Variants in HSDL1 observed in about 807,000 individuals in gnomAD.
HSDL1 encodes inactive hydroxysteroid dehydrogenase-like protein 1.
In HSDL1, 29 loss-of-function variants were observed where a neutral mutation model predicts 31.5. The observed-to-expected ratio is 0.92, with a 90% CI of 0.69 to 1.26. The LOEUF is 1.26. HSDL1 is among the 50% of genes most tolerant of loss of function. HSDL1 has a pLI of 0.00. For synonymous variants in HSDL1, 222 were observed against 155.2 expected (o/e 1.43, Z -3.20); for missense variants, 503 against 416.6 (o/e 1.21, Z -1.81).
rs1319385478 is a variant in HSDL1, at chr16:84,123,768, T to C, written c.*862A>G. The C allele has an allele frequency of 5.9e-5, 9 of 152,442 alleles. No individual in the cohort carries two copies. Among genetic ancestry groups the C allele is most frequent in the African/African-American group, 1.9e-4 (8 of 41,440 alleles). The allele number at this position is 152,442 out of a possible 1,614,324, so 9.4% of individuals were successfully genotyped here. A position where few individuals can be genotyped will look rare whatever the true frequency, so the allele number is the denominator to read the frequency against. On this transcript the variant is annotated 3_prime_UTR_variant, in exon 6 of 6. Transcript: ENST00000219439. ...ATAAAATGGGTCAGAGGCTGAGAAATCACTATTTATCCACAAGAATTGCCT... is the reference window on the plus strand; with the variant it reads ...ATAAAATGGGTCAGAGGCTGAGAAACCACTATTTATCCACAAGAATTGCCT...
intron 5 of HSDL1, among the ~76,000 whole-genome samples, chr16:84,125,492 C>T (rs1049566812): frequency 6.6e-6 from 1 of 151,748 alleles, no homozygotes; most frequent in Non-Finnish European, 1.5e-5. Flanking sequence ...ACCAATCGAT[C>T]CCAACAAATA....
At chr16:84,133,332 T>A (rs908647238) in intron 2 of HSDL1, among the ~76,000 whole-genome samples, 7 of 152,234 alleles carry the variant, frequency 4.6e-5, no homozygotes, top group African/African-American at 1.7e-4. Context: ...CTAAATGCCC[T>A]ACGATAAGGA....
Position 84,130,445 on chromosome 16 carries a change from C to G in HSDL1, c.221-14G>C, listed in dbSNP as rs777456981. 1.9e-6 allele frequency: 3 copies of G among 1,591,146 alleles called. No individual in the cohort carries two copies. Among genetic ancestry groups the G allele is most frequent in the Admixed American group, 1.7e-5 (1 of 58,068 alleles). On this transcript the variant is annotated splice_polypyrimidine_tract_variant and intron_variant, in intron 3 of 5. Coordinates refer to ENST00000219439, the MANE Select transcript of HSDL1 (RefSeq NM_031463.5). ...CATCTGTTGCACCTAGGATGCAAGT[C>G]AGGAAAAGTGAGCATGTGTATTTCA...
rs1457366081 is a variant in HSDL1, at chr16:84,122,985, T to G, written c.*1645A>C. 1 of 152,228 alleles carries G rather than the reference T, an allele frequency of 6.6e-6. No homozygotes were observed. Among genetic ancestry groups the G allele is most frequent in the African/African-American group, 2.4e-5 (1 of 41,450 alleles). The allele number at this position is 152,228 out of a possible 1,614,324, so 9.4% of individuals were successfully genotyped here. ...TACATATAACTACCTGACCATATTTTCACATGAAGTTGCTGCTGCTTATTA... is the reference window on the plus strand; with the variant it reads ...TACATATAACTACCTGACCATATTTGCACATGAAGTTGCTGCTGCTTATTA... On this transcript the variant is annotated 3_prime_UTR_variant, in exon 6 of 6. Transcript: ENST00000219439.
chr16:84,136,084 G>T (rs1181559201), intron 1 of HSDL1, among the ~76,000 whole-genome samples: 1 of 152,198 alleles, frequency 6.6e-6, no homozygotes, highest in African/African-American at 2.4e-5. Context: ...CACCTGCAGC[G>T]TTCCCTGGAA....
At position 84,122,308 on chromosome 16, in the gene HSDL1, A is replaced by G. The variant is rs1266531422; in HGVS notation, c.*2322T>C. On this transcript the variant is annotated 3_prime_UTR_variant, in exon 6 of 6. Coordinates refer to ENST00000219439, the MANE Select transcript of HSDL1 (RefSeq NM_031463.5). ...CCAAAGGAAACAAACAACTACTTTT[A>G]TTGTTAAACTTTCAATTCACAGATT... 6.6e-6 allele frequency: 1 copy of G among 152,542 alleles called. No homozygotes were observed. The highest frequency in any genetic ancestry group is 1.5e-5 in the Non-Finnish European group (1 of 68,020). 9.4% of individuals were successfully genotyped at this position (152,542 alleles called of 1,614,324 possible).
At chr16:84,132,008 T>G (rs1216158287) in intron 2 of HSDL1, among the ~76,000 whole-genome samples, 4 of 152,218 alleles carry the variant, frequency 2.6e-5, no homozygotes, top group Non-Finnish European at 4.4e-5. Flanking sequence ...TCTCACCATT[T>G]AACATCCGTA....
chr16:84,127,804 T>C (rs1471421263), intron 5 of HSDL1, among the ~76,000 whole-genome samples: 1 of 148,008 alleles, frequency 6.8e-6, no homozygotes, highest in Non-Finnish European at 1.5e-5. Flanking sequence ...CTGCAAGCTC[T>C]GCCTCCCGGG....
At chr16:84,134,757 T>C (rs763995292) in intron 2 of HSDL1, among the ~76,000 whole-genome samples, 3 of 152,012 alleles carry the variant, frequency 2.0e-5, no homozygotes, top group African/African-American at 4.8e-5. Context: ...GGAAAGTAAA[T>C]GCAAAAACAA....
At chr16:84,133,805 C>G (rs555663040) in intron 2 of HSDL1, among the ~76,000 whole-genome samples, 9 of 152,166 alleles carry the variant, frequency 5.9e-5, no homozygotes, top group African/African-American at 1.9e-4. Flanking sequence ...ATGCTGTCCA[C>G]TGGGGCTCTG....
rs1377035340 is a variant in HSDL1, at chr16:84,122,724, A to C, written c.*1906T>G. ...AACTTTCAAATTAGCTCTGGGGAAA[A>C]AAATACATTTAATGAAAGCTAGAAA... On this transcript the variant is annotated 3_prime_UTR_variant, in exon 6 of 6. Coordinates refer to ENST00000219439, the MANE Select transcript of HSDL1 (RefSeq NM_031463.5). The C allele has an allele frequency of 6.6e-6, 1 of 152,198 alleles. No individual in the cohort carries two copies. The highest frequency in any genetic ancestry group is 1.5e-5 in the Non-Finnish European group (1 of 68,034). The allele number at this position is 152,198 out of a possible 1,614,324, so 9.4% of individuals were successfully genotyped here.
At chr16:84,132,675 T>A (rs2086679549) in intron 2 of HSDL1, among the ~76,000 whole-genome samples, 2 of 152,148 alleles carry the variant, frequency 1.3e-5, no homozygotes, top group Admixed American at 1.3e-4. Flanking sequence ...TGCCACATGA[T>A]GTGGTAGGTG....
intron 1 of HSDL1, among the ~76,000 whole-genome samples, chr16:84,136,204 G>T (rs537312801): frequency 3.2e-4 from 48 of 152,352 alleles, no homozygotes; most frequent in African/African-American, 1.0e-3. Flanking sequence ...CTCCTGGCAG[G>T]GTGGCAGGGA....
intron 2 of HSDL1, among the ~76,000 whole-genome samples, chr16:84,133,964 A>G (rs2086690158): frequency 6.6e-6 from 1 of 152,250 alleles, no homozygotes; most frequent in Non-Finnish European, 1.5e-5. Context: ...TTTATGAACC[A>G]GATTGGCTGA....
chr16:84,133,909 A>G (rs1460871085), intron 2 of HSDL1, among the ~76,000 whole-genome samples: 1 of 152,212 alleles, frequency 6.6e-6, no homozygotes, highest in Non-Finnish European at 1.5e-5. Context: ...CCAAATACTT[A>G]AGCTAAAAAC....
intron 1 of HSDL1, among the ~76,000 whole-genome samples, chr16:84,144,840 G>C (rs2086827535): frequency 6.6e-6 from 1 of 151,594 alleles, no homozygotes; most frequent in Non-Finnish European, 1.5e-5. Flanking sequence ...GAAGGGGCGG[G>C]GCTGGGGCTT....
chr16:84,131,365 A>C (rs1371841206), intron 2 of HSDL1, 38 bp from the exon 3 acceptor site: 1 of 1,395,314 alleles, frequency 7.2e-7, no homozygotes, highest in South Asian at 1.2e-5. Context: ...CTCTTTGATT[A>C]ATAAATTAAA....
chr16:84,129,885 T>A, intron 4 of HSDL1, 101 bp downstream of exon 4: 4 of 1,403,010 alleles, frequency 2.9e-6, no homozygotes, highest in Non-Finnish European at 3.9e-6. Context: ...AGGATAAGCA[T>A]ATGTGAGTTG....
intron 3 of HSDL1, 107 bp from the exon 4 acceptor site, chr16:84,130,538 G>A: frequency 1.1e-6 from 1 of 899,870 alleles, no homozygotes; most frequent in Non-Finnish European, 1.7e-6. Flanking sequence ...ATTCACACTA[G>A]AAATCAAGTC....
Sources: allele counts gnomAD v4.1 joint callset (sites outside exome capture counted in the v4.1 genomes callset), GRCh38; gene constraint gnomAD v4.1.1; transcripts MANE v1.5; gene names NCBI Gene and HGNC (gene_info 2026-07-23, HGNC 2026-07-21).